The following KCNK12 variants were observed in gnomAD, a reference collection of about 807,000 sequenced individuals.
The protein encoded by KCNK12 is potassium channel subfamily K member 12.
In KCNK12, 6 loss-of-function variants were observed where a neutral mutation model predicts 25.3. That is an observed-to-expected ratio of 0.24 (90% CI 0.13 to 0.47). KCNK12 has a LOEUF of 0.47. Ranked by LOEUF, KCNK12 falls within the 20% of genes least tolerant of loss-of-function variation. The pLI is 0.99. For synonymous variants in KCNK12, 331 were observed against 311.1 expected, an observed-to-expected ratio of 1.06 and a Z score of -0.67; for missense variants, 444 against 661.7, an observed-to-expected ratio of 0.67 and a Z score of 3.61.
rs866628781 is a variant in KCNK12, at chr2:47,511,404, A to G, written c.*9503T>C. On this transcript the variant is annotated 3_prime_UTR_variant, in exon 2 of 2. Transcript: ENST00000327876. This position sits in a 1 kb window ranked among gnomAD's most constrained non-coding sequence, Gnocchi z 4.3. ...TAAATATTTGTGTGCCTGCGCCTGCATATATGTATTTGGACCAATGCTCTC... is the reference window on the plus strand; with the variant it reads ...TAAATATTTGTGTGCCTGCGCCTGCGTATATGTATTTGGACCAATGCTCTC... Among the ~76,000 whole-genome samples the G allele has an allele frequency of 6.6e-6, 1 of 152,360 alleles. No individual in the cohort carries two copies. Among genetic ancestry groups the G allele is most frequent in the African/African-American group, 2.4e-5 (1 of 41,586 alleles).
chr2:47,512,495 G>T lies in KCNK12; in HGVS notation c.*8412C>A. 1 of 1,500,564 alleles carries T rather than the reference G, an allele frequency of 6.7e-7. No individual in the cohort carries two copies. The highest frequency in any genetic ancestry group is 9.0e-7 in the Non-Finnish European group (1 of 1,116,810). The allele number at this position is 1,500,564 out of a possible 1,614,324, so 93.0% of individuals were successfully genotyped here. On this transcript the variant is annotated 3_prime_UTR_variant, in exon 2 of 2. Coordinates refer to ENST00000327876, the MANE Select transcript of KCNK12 (RefSeq NM_022055.2). ...TTGTAATTCTACAAACATCCCTTCT[G>T]TAAACATTTCCCTCAAAATGGAGCA... is the stretch of plus-strand genomic sequence containing the variant.
In KCNK12 at chr2:47,557,916, T is replaced by C. The variant is rs1467585710; in HGVS notation, c.391+12025A>G. The stretch of plus-strand genomic sequence containing the variant: ...TCATGCAGCTGCTGGGTTCCTGACA[T>C]TGGTTACAAGTTACATCTCTCTTTA... On this transcript the variant is annotated intron_variant, in intron 1 of 1. Coordinates refer to ENST00000327876, the MANE Select transcript of KCNK12 (RefSeq NM_022055.2). This position sits in a 1 kb window ranked among gnomAD's most constrained non-coding sequence, Gnocchi z 4.9. 6.6e-6 allele frequency among the ~76,000 whole-genome samples: 1 copy of C among 152,184 alleles called. No individual in the cohort carries two copies. Among genetic ancestry groups the C allele is most frequent in the Non-Finnish European group, 1.5e-5 (1 of 68,022 alleles).
chr2:47,558,918 A>C (rs535892419), intron 1 of KCNK12, among the ~76,000 whole-genome samples: 1 of 152,318 alleles, frequency 6.6e-6, no homozygotes, highest in East Asian at 1.9e-4. Flanking sequence ...CCAGTTTCTA[A>C]GGAATGTGTC....
In KCNK12 at chr2:47,517,863, G is replaced by A. The variant is rs1668561893; in HGVS notation, c.*3044C>T. The A allele has an allele frequency of 6.6e-6, 1 of 152,150 alleles. No homozygotes were observed. Among genetic ancestry groups the A allele is most frequent in the Non-Finnish European group, 1.5e-5 (1 of 68,042 alleles). 9.4% of individuals were successfully genotyped at this position (152,150 alleles called of 1,614,324 possible). A position where few individuals can be genotyped will look rare whatever the true frequency, so the allele number is the denominator to read the frequency against. ...CACAGTCATATGGTGAGGGCCTCTT[G>A]GAGTTCATTCAAACTTTAAGGGAGC... On this transcript the variant is annotated 3_prime_UTR_variant, in exon 2 of 2. Coordinates refer to ENST00000327876, the MANE Select transcript of KCNK12 (RefSeq NM_022055.2). The surrounding 1 kb of genome is among the most constrained non-coding windows in gnomAD (Gnocchi z 4.1).
In KCNK12 at chr2:47,540,772, AAAACAAACAAAC is replaced by A. The variant is rs59132408; in HGVS notation, c.392-18976_392-18965del. ...GAGACTCCATCCCTAGAAACAATTA[AAAACAAACAAAC>A]AAACAAACAAACAAAAGCAAGCTGG... On this transcript the variant is annotated intron_variant, in intron 1 of 1. Coordinates refer to ENST00000327876, the MANE Select transcript of KCNK12 (RefSeq NM_022055.2). This position sits in a 1 kb window ranked among gnomAD's most constrained non-coding sequence, Gnocchi z 5.4. Among the ~76,000 whole-genome samples, 14 of 149,944 alleles carry A rather than the reference AAAACAAACAAAC, an allele frequency of 9.3e-5. No individual in the cohort carries two copies. Among genetic ancestry groups the A allele is most frequent in the Non-Finnish European group, 1.0e-4 (7 of 67,630 alleles).
rs1445070695 is a variant in KCNK12, at chr2:47,512,888, G to A, written c.*8019C>T. 1 of 156,206 alleles carries A rather than the reference G, an allele frequency of 6.4e-6. No individual in the cohort carries two copies. Among genetic ancestry groups the A allele is most frequent in the Non-Finnish European group, 1.4e-5 (1 of 70,304 alleles). The allele number at this position is 156,206 out of a possible 1,614,324, so 9.7% of individuals were successfully genotyped here. On this transcript the variant is annotated 3_prime_UTR_variant, in exon 2 of 2. Transcript: ENST00000327876. The stretch of plus-strand genomic sequence containing the variant: ...CTACCCTCATTGTCACCCCTCAGAG[G>A]TCCCACTGCAGCTGCATAATGTCCC...
intron 1 of KCNK12, among the ~76,000 whole-genome samples, chr2:47,549,664 G>A (rs576021172): frequency 2.3e-4 from 35 of 152,246 alleles, no homozygotes; most frequent in African/African-American, 7.2e-4. Flanking sequence ...GGCTGGGTGC[G>A]GTGGCTCACG....
chr2:47,522,831 A>T (rs897062246), intron 1 of KCNK12, among the ~76,000 whole-genome samples: 2 of 152,232 alleles, frequency 1.3e-5, no homozygotes, highest in Admixed American at 1.3e-4. Flanking sequence ...AAAGTCTTAC[A>T]TACTAGAATA....
chr2:47,567,517 C>T (rs915849747), intron 1 of KCNK12, among the ~76,000 whole-genome samples: 2 of 152,098 alleles, frequency 1.3e-5, no homozygotes, highest in East Asian at 1.9e-4. Flanking sequence ...GCTGAAATGC[C>T]AATTATGCTA....
chr2:47,561,006 A>G (rs1269888063), intron 1 of KCNK12, among the ~76,000 whole-genome samples: 2 of 152,170 alleles, frequency 1.3e-5, no homozygotes, highest in African/African-American at 4.8e-5. Context: ...GCACCCACAC[A>G]TGGGGCTATT....
At position 47,528,865 on chromosome 2, in the gene KCNK12, G is replaced by C. The variant is rs138936330; in HGVS notation, c.392-7057C>G. ...GGAGAGGCCAGCACTGATCTGTATCGTGCAGCCCTGGGCGGCAGCCTCGGT... is the reference window on the plus strand; with the variant it reads ...GGAGAGGCCAGCACTGATCTGTATCCTGCAGCCCTGGGCGGCAGCCTCGGT... On this transcript the variant is annotated intron_variant, in intron 1 of 1. Transcript: ENST00000327876. This position sits in a 1 kb window ranked among gnomAD's most constrained non-coding sequence, Gnocchi z 4.5. Among the ~76,000 whole-genome samples, 1 of 152,096 alleles carries C rather than the reference G, an allele frequency of 6.6e-6. No individual in the cohort carries two copies.
chr2:47,570,430 C>T lies in KCNK12; in HGVS notation c.-99G>A, dbSNP rs916644598. ...AGCGTGAGGATGGTGGCCAGGGGTC[C>T]GGGGCCGCCGCGGAGCCCCTCGCCG... On this transcript the variant is annotated 5_prime_UTR_variant, in exon 1 of 2. Coordinates refer to ENST00000327876, the MANE Select transcript of KCNK12 (RefSeq NM_022055.2). 3 of 1,163,232 alleles carry T rather than the reference C, an allele frequency of 2.6e-6. No homozygotes were observed. The highest frequency in any genetic ancestry group is 3.4e-4 in the Middle Eastern group (1 of 2,926). The allele number at this position is 1,163,232 out of a possible 1,614,324, so 72.1% of individuals were successfully genotyped here. A position where few individuals can be genotyped will look rare whatever the true frequency, so the allele number is the denominator to read the frequency against.
At position 47,566,364 on chromosome 2, in the gene KCNK12, T is replaced by C. The variant is rs59506560; in HGVS notation, c.391+3577A>G. The C allele has an allele frequency of 0.13, 19,236 of 152,042 alleles. 1,998 individuals carry two copies. Among genetic ancestry groups the C allele is most frequent in the African/African-American group, 0.28 (11,721 of 41,374 alleles). The allele number at this position is 152,042 out of a possible 1,614,324, so 9.4% of individuals were successfully genotyped here. ...CCACCAGGTGAAAGCCCATTCCTGC[T>C]CCTTCTTCCCCTCCTCTATACACAT... is the stretch of plus-strand genomic sequence containing the variant. On this transcript the variant is annotated intron_variant, in intron 1 of 1. Coordinates refer to ENST00000327876, the MANE Select transcript of KCNK12 (RefSeq NM_022055.2). The surrounding 1 kb of genome is among the most constrained non-coding windows in gnomAD (Gnocchi z 4.1).
At chr2:47,553,681 C>G (rs1284842907) in intron 1 of KCNK12, among the ~76,000 whole-genome samples, 1 of 152,208 alleles carries the variant, frequency 6.6e-6, no homozygotes, top group Non-Finnish European at 1.5e-5. Flanking sequence ...ACATTACACC[C>G]CTGTTCAAGA....
intron 1 of KCNK12, among the ~76,000 whole-genome samples, chr2:47,522,714 A>T (rs1382595355): frequency 1.3e-5 from 2 of 152,236 alleles, no homozygotes; most frequent in African/African-American, 2.4e-5. Context: ...ATGCCTCTGG[A>T]ATTGGGCCTA....
At chr2:47,542,628 C>T (rs1186867603) in intron 1 of KCNK12, among the ~76,000 whole-genome samples, 1 of 151,978 alleles carries the variant, frequency 6.6e-6, no homozygotes, top group African/African-American at 2.4e-5. Flanking sequence ...TCATCTGGGC[C>T]CCAGTCACAC....
rs1035858608 is a variant in KCNK12 at position 47,515,273 on chromosome 2, T to A, written c.*5634A>T. Among the ~76,000 whole-genome samples, 1 of 152,172 alleles carries A rather than the reference T, an allele frequency of 6.6e-6. No homozygotes were observed. Among genetic ancestry groups the A allele is most frequent in the African/African-American group, 2.4e-5 (1 of 41,436 alleles). On this transcript the variant is annotated 3_prime_UTR_variant, in exon 2 of 2. Coordinates refer to ENST00000327876, the MANE Select transcript of KCNK12 (RefSeq NM_022055.2). ...CACTGTAAGCCAGTGTTTCTCAGAT[T>A]GCTGGGTGTAATTCATAGGCAGATC...
chr2:47,523,432 T>C (rs909797544), intron 1 of KCNK12, among the ~76,000 whole-genome samples: 1 of 152,248 alleles, frequency 6.6e-6, no homozygotes, highest in African/African-American at 2.4e-5. Context: ...GTGCTGCTGG[T>C]ATATCAAATT....
chr2:47,565,305 G>C lies in KCNK12; in HGVS notation c.391+4636C>G, dbSNP rs1259184906. On this transcript the variant is annotated intron_variant, in intron 1 of 1. Transcript: ENST00000327876. This position sits in a 1 kb window ranked among gnomAD's most constrained non-coding sequence, Gnocchi z 5.0. ...TAGAAGAAAGTTGAATGTAAATGTG[G>C]TAGTGACATTTTGGGCTTATAATGT... The C allele has an allele frequency of 1.3e-5, 2 of 152,188 alleles. No individual in the cohort carries two copies. Among genetic ancestry groups the C allele is most frequent in the African/African-American group, 4.8e-5 (2 of 41,442 alleles). The allele number at this position is 152,188 out of a possible 1,614,324, so 9.4% of individuals were successfully genotyped here.
Sources: gnomAD v4.1 joint callset for allele counts (sites outside exome capture counted in the v4.1 genomes callset) on GRCh38, gnomAD v4.1.1 for gene constraint, Gnocchi (gnomAD v3.1) non-coding constraint, MANE v1.5 for transcripts, NCBI Gene and HGNC (gene_info 2026-07-23, HGNC 2026-07-21) for gene names.